CSMD1: variants seen among roughly 807,000 people sequenced by gnomAD.
CSMD1 encodes CUB and sushi domain-containing protein 1.
CSMD1 carries 213 observed loss-of-function variants against 417.5 expected under a neutral mutation model. The ratio of observed to expected loss-of-function variants is 0.51; its 90% CI spans 0.46 to 0.57. The LOEUF is 0.57. Among genes scored for constraint, CSMD1 ranks in the 20% least tolerant of loss-of-function variants. The pLI is 0.00. For missense variants in CSMD1, 6,923 were observed against 4,529.7 expected, an observed-to-expected ratio of 1.53 and a Z score of -15.17; for synonymous variants, 2,862 against 1,736.8, an observed-to-expected ratio of 1.65 and a Z score of -16.11.
chr8:3,564,808 G>A (rs2116883619), intron 10 of CSMD1, among the ~76,000 whole-genome samples: 1 of 152,080 alleles, frequency 6.6e-6, no homozygotes, highest in Admixed American at 6.6e-5. Flanking sequence ...TGAGAGGGAA[G>A]TAGTCACCAA....
chr8:4,561,282 G>C (rs1249189631), intron 2 of CSMD1, among the ~76,000 whole-genome samples: 1 of 152,174 alleles, frequency 6.6e-6, no homozygotes, highest in Non-Finnish European at 1.5e-5. Flanking sequence ...GCTGAGGCAG[G>C]GGAATCGTTT....
At chr8:4,119,158 G>C (rs916552216) in intron 3 of CSMD1, among the ~76,000 whole-genome samples, 6 of 152,040 alleles carry the variant, frequency 3.9e-5, no homozygotes, top group East Asian at 1.9e-4. Flanking sequence ...TTAAAACCTA[G>C]ATGATGGTTT....
At chr8:4,805,281 T>A (rs539568228) in intron 1 of CSMD1, among the ~76,000 whole-genome samples, 1 of 152,354 alleles carries the variant, frequency 6.6e-6, no homozygotes, top group East Asian at 1.9e-4. Context: ...ATTTAGTATA[T>A]CTTTTTATTC....
At chr8:3,080,392 T>A (rs62488403) in intron 49 of CSMD1, among the ~76,000 whole-genome samples, 71,562 of 152,034 alleles carry the variant, frequency 0.47, 17,081 homozygotes, top group Non-Finnish European at 0.49. Context: ...TTTATCAAGG[T>A]CGATAAGAAC....
intron 1 of CSMD1, among the ~76,000 whole-genome samples, chr8:4,883,410 G>T (rs955453166): frequency 1.3e-5 from 2 of 152,010 alleles, no homozygotes; most frequent in African/African-American, 4.8e-5. Flanking sequence ...TGAAATGCAA[G>T]ATCATCACCA....
intron 5 of CSMD1, among the ~76,000 whole-genome samples, chr8:3,958,272 G>T (rs572968579): frequency 6.7e-6 from 1 of 149,956 alleles, no homozygotes; most frequent in East Asian, 2.0e-4. Context: ...TTACAATGTG[G>T]TTTTTTGTGG....
At chr8:3,613,279 C>T (rs1481527107) in intron 8 of CSMD1, 1 of 421,664 alleles carries the variant, frequency 2.4e-6, no homozygotes, top group African/African-American at 2.1e-5. Flanking sequence ...TAAAAACCTA[C>T]TTGTAAGAAA....
intron 2 of CSMD1, among the ~76,000 whole-genome samples, chr8:4,526,798 A>T (rs909786486): frequency 6.6e-6 from 1 of 152,218 alleles, no homozygotes; most frequent in Non-Finnish European, 1.5e-5. Context: ...TTCTTTCAAG[A>T]TACTCTAACC....
intron 3 of CSMD1, among the ~76,000 whole-genome samples, chr8:4,177,420 C>A (rs1355113447): frequency 6.6e-6 from 1 of 151,956 alleles, no homozygotes; most frequent in Non-Finnish European, 1.5e-5. Flanking sequence ...CTCTGGGGCA[C>A]ATTCAAAGCA....
intron 10 of CSMD1, among the ~76,000 whole-genome samples, chr8:3,527,561 C>A (rs922892630): frequency 7.2e-5 from 11 of 151,886 alleles, no homozygotes; most frequent in African/African-American, 2.7e-4. Context: ...GAATTGATAC[C>A]TGTGATAAAA....
intron 3 of CSMD1, among the ~76,000 whole-genome samples, chr8:4,169,848 T>A (rs1420334592): frequency 6.6e-6 from 1 of 152,140 alleles, no homozygotes; most frequent in Non-Finnish European, 1.5e-5. Context: ...TTCCATAGCA[T>A]GCGTCATCAT....
chr8:4,934,316 C>A (rs920099077), intron 1 of CSMD1, among the ~76,000 whole-genome samples: 5 of 152,196 alleles, frequency 3.3e-5, no homozygotes, highest in African/African-American at 4.8e-5. Flanking sequence ...TCAACATCAA[C>A]CTTGTTTTGC....
intron 3 of CSMD1, among the ~76,000 whole-genome samples, chr8:4,255,543 T>C (rs572470209): frequency 6.6e-6 from 1 of 152,290 alleles, no homozygotes; most frequent in East Asian, 1.9e-4. Context: ...GCAATCACTT[T>C]TGTTTTTATC....
chr8:3,272,389 G>C (rs979120535), intron 26 of CSMD1, among the ~76,000 whole-genome samples: 8 of 150,710 alleles, frequency 5.3e-5, no homozygotes, highest in African/African-American at 1.9e-4. Flanking sequence ...TGTTCTTTTG[G>C]CTCAGGACTG....
At chr8:4,132,230 A>G (rs7838400) in intron 3 of CSMD1, among the ~76,000 whole-genome samples, 4,322 of 135,750 alleles carry the variant, frequency 0.032, 245 homozygotes, top group African/African-American at 0.11. Context: ...GGGTAGTAAT[A>G]CCCCTTTCTA....
At chr8:3,089,517 T>C (rs1375020662) in intron 48 of CSMD1, among the ~76,000 whole-genome samples, 1 of 152,200 alleles carries the variant, frequency 6.6e-6, no homozygotes, top group African/African-American at 2.4e-5. Context: ...TTTACGTGCA[T>C]AGGGCAAATA....
At chr8:4,262,948 A>T (rs903234987) in intron 3 of CSMD1, among the ~76,000 whole-genome samples, 8 of 152,218 alleles carry the variant, frequency 5.3e-5, no homozygotes, top group Non-Finnish European at 1.0e-4. Flanking sequence ...TAGTTCAGCC[A>T]AGGAAACTGA....
chr8:3,970,046 C>T (rs879185971), intron 5 of CSMD1, among the ~76,000 whole-genome samples: 1 of 152,198 alleles, frequency 6.6e-6, no homozygotes, highest in Admixed American at 6.5e-5. Context: ...GCATACTGAG[C>T]TACCAAACTA....
At chr8:2,949,433 G>A in intron 67 of CSMD1, 47 bp from the exon 68 acceptor site, 7 of 976,354 alleles carry the variant, frequency 7.2e-6, no homozygotes, top group South Asian at 1.5e-5. Context: ...GTATACGAAG[G>A]GATGAATAAT....
Sources: allele counts gnomAD v4.1 joint callset (sites outside exome capture counted in the v4.1 genomes callset), GRCh38; gene constraint gnomAD v4.1.1; transcripts MANE v1.5; gene names NCBI Gene and HGNC (gene_info 2026-07-23, HGNC 2026-07-21).